PCDH15: variants seen among roughly 807,000 people sequenced by gnomAD.
The protein encoded by PCDH15 is protocadherin-15.
Under a neutral mutation model 178.5 loss-of-function variants are expected in PCDH15, and 129 were observed. That is an observed-to-expected ratio of 0.72 (90% CI 0.63 to 0.84). The LOEUF is 0.84. PCDH15 is among the 40% of genes least tolerant of loss of function. PCDH15 has a pLI of 0.00. For missense variants in PCDH15, 2,230 were observed against 2,099.9 expected (o/e 1.06, Z -1.21); for synonymous variants, 800 against 732.0 (o/e 1.09, Z -1.50).
intron 13 of PCDH15, among the ~76,000 whole-genome samples, chr10:54,172,639 A>C (rs1427616491): frequency 6.6e-6 from 1 of 152,216 alleles, no homozygotes; most frequent in Non-Finnish European, 1.5e-5. Flanking sequence ...AGTATAAAAT[A>C]TATTGTACAT....
At chr10:55,081,670 A>T (rs1842045053) in intron 2 of PCDH15, among the ~76,000 whole-genome samples, 1 of 152,172 alleles carries the variant, frequency 6.6e-6, no homozygotes, top group South Asian at 2.1e-4. Context: ...CAAAGAGAAG[A>T]TGTTCATCTT....
Position 54,344,903 on chromosome 10 carries a change from GCAAA to G in PCDH15, c.594+1458_594+1461del, listed in dbSNP as rs1392977249. Among the ~76,000 whole-genome samples the G allele has an allele frequency of 3.3e-4, 3 of 9,046 alleles. No individual in the cohort carries two copies. The South Asian group carries it at 0.01, about 31-fold the overall frequency. The allele number at this position is 9,046 out of a possible 152,430, so 5.9% of individuals were successfully genotyped here. A position where few individuals can be genotyped will look rare whatever the true frequency, so the allele number is the denominator to read the frequency against. On this transcript the variant is annotated intron_variant, in intron 6 of 37. Coordinates refer to ENST00000644397, the MANE Select transcript of PCDH15 (RefSeq NM_001384140.1). ...AAAAGTCCTCTTTTAGAGAAACAAA[GCAAA>G]AAAAAAAAAAAAAAAAAAACAAGAC...
chr10:54,934,013 C>A (rs578082455), intron 2 of PCDH15, among the ~76,000 whole-genome samples: 15 of 152,174 alleles, frequency 9.9e-5, no homozygotes, highest in Non-Finnish European at 1.6e-4. Flanking sequence ...TATAGAGACA[C>A]TATCAATATA....
chr10:54,382,998 A>C (rs1949421876), intron 3 of PCDH15, among the ~76,000 whole-genome samples: 1 of 152,188 alleles, frequency 6.6e-6, no homozygotes, highest in Non-Finnish European at 1.5e-5. Flanking sequence ...TACAATCAGC[A>C]ATATAGAGTT....
intron 3 of PCDH15, among the ~76,000 whole-genome samples, chr10:54,406,726 C>T (rs938894304): frequency 2.0e-5 from 3 of 152,048 alleles, no homozygotes; most frequent in African/African-American, 7.2e-5. Flanking sequence ...AAAAGTTAAC[C>T]TTAACCCCTA....
intron 26 of PCDH15, among the ~76,000 whole-genome samples, chr10:53,881,389 TTTACCA>T (rs1171678986): frequency 1.3e-5 from 2 of 152,018 alleles, no homozygotes; most frequent in African/African-American, 2.4e-5. Flanking sequence ...AAATTGGGAA[TTTACCA>T]CTACACAATA....
chr10:55,534,830 T>C (rs955380011), intron 2 of PCDH15, among the ~76,000 whole-genome samples: 2 of 151,886 alleles, frequency 1.3e-5, no homozygotes, highest in Admixed American at 6.6e-5. Flanking sequence ...CCATCAACAA[T>C]GGATTGGATA....
At chr10:55,509,305 C>T (rs545831757) in intron 2 of PCDH15, among the ~76,000 whole-genome samples, 1 of 151,820 alleles carries the variant, frequency 6.6e-6, no homozygotes, top group South Asian at 2.1e-4. Flanking sequence ...ACAAATATTA[C>T]AGCACATAGT....
At chr10:54,571,980 C>T (rs978291985) in intron 2 of PCDH15, among the ~76,000 whole-genome samples, 8 of 152,074 alleles carry the variant, frequency 5.3e-5, no homozygotes, top group Admixed American at 4.6e-4. Flanking sequence ...CACCTGATCA[C>T]AAATCATTTC....
intron 2 of PCDH15, among the ~76,000 whole-genome samples, chr10:55,141,386 A>G (rs892983042): frequency 1.3e-5 from 2 of 152,104 alleles, no homozygotes; most frequent in Non-Finnish European, 2.9e-5. Context: ...AAAAGCTGCA[A>G]AAAGGGATAT....
intron 2 of PCDH15, among the ~76,000 whole-genome samples, chr10:55,091,651 A>C (rs1472368397): frequency 2.6e-5 from 4 of 151,932 alleles, no homozygotes; most frequent in Non-Finnish European, 5.9e-5. Flanking sequence ...AAATATGAGG[A>C]ATAGTTATGC....
chr10:54,126,446 C>T (rs1405019055), intron 15 of PCDH15, among the ~76,000 whole-genome samples: 1 of 152,070 alleles, frequency 6.6e-6, no homozygotes, highest in Non-Finnish European at 1.5e-5. Flanking sequence ...ACTTATCCTG[C>T]CTCCTTATGT....
At chr10:54,200,176 C>G (rs950302856) in intron 10 of PCDH15, among the ~76,000 whole-genome samples, 1 of 150,348 alleles carries the variant, frequency 6.7e-6, no homozygotes, top group African/African-American at 2.5e-5. Context: ...AATGGTAAAG[C>G]TTATCAAATT....
chr10:54,067,353 C>A (rs776657576), intron 17 of PCDH15, among the ~76,000 whole-genome samples: 1 of 152,096 alleles, frequency 6.6e-6, no homozygotes, highest in Non-Finnish European at 1.5e-5. Context: ...CTCATGCTAT[C>A]GAAAAATGCT....
chr10:54,316,562 A>G (rs1176095075), intron 8 of PCDH15, among the ~76,000 whole-genome samples: 1 of 90,764 alleles, frequency 1.1e-5, no homozygotes, highest in African/African-American at 3.3e-5. Flanking sequence ...ACACACACAC[A>G]CACACACACA....
intron 1 of PCDH15, among the ~76,000 whole-genome samples, chr10:54,690,697 T>C (rs1451963610): frequency 6.6e-6 from 1 of 152,166 alleles, no homozygotes; most frequent in African/African-American, 2.4e-5. Flanking sequence ...TTTTAAGCTG[T>C]GGGGAGTTGC....
intron 2 of PCDH15, among the ~76,000 whole-genome samples, chr10:54,634,023 A>G (rs1468433634): frequency 6.6e-6 from 1 of 152,128 alleles, no homozygotes; most frequent in Non-Finnish European, 1.5e-5. Context: ...GCCAATCCTT[A>G]TCTTCATAAA....
intron 2 of PCDH15, among the ~76,000 whole-genome samples, chr10:55,611,134 A>G (rs888885355): frequency 3.9e-5 from 6 of 152,056 alleles, no homozygotes; most frequent in African/African-American, 1.4e-4. Flanking sequence ...TTTCTTAGAT[A>G]TGACCAAAAA....
intron 2 of PCDH15, among the ~76,000 whole-genome samples, chr10:55,339,426 C>T (rs1480023101): frequency 6.6e-6 from 1 of 151,932 alleles, no homozygotes; most frequent in Non-Finnish European, 1.5e-5. Context: ...CATGTATAAA[C>T]AAGATGTAAG....
Sources: allele counts gnomAD v4.1 joint callset (sites outside exome capture counted in the v4.1 genomes callset), GRCh38; gene constraint gnomAD v4.1.1; transcripts MANE v1.5; gene names NCBI Gene and HGNC (gene_info 2026-07-23, HGNC 2026-07-21).